Variants in TUSC3 observed in about 807,000 individuals in gnomAD.
The protein encoded by TUSC3 is tumor suppressor candidate 3, also known as dolichyl-diphosphooligosaccharide--protein glycosyltransferase subunit TUSC3.
Under a neutral mutation model 44.8 loss-of-function variants are expected in TUSC3, and 45 were observed. The ratio of observed to expected loss-of-function variants is 1.00; its 90% confidence interval spans 0.79 to 1.29. The LOEUF (loss-of-function observed/expected upper bound fraction) is 1.29, where lower values mean the gene tolerates loss of function less well. Among genes scored for constraint, TUSC3 ranks in the 50% most tolerant of loss-of-function variants. TUSC3 has a pLI of 0.00. For missense variants in TUSC3, 519 were observed against 437.9 expected (o/e 1.19, Z -1.65); for synonymous variants, 212 against 152.9 (o/e 1.39, Z -2.85).
upstream of TUSC3, among the ~76,000 whole-genome samples, chr8:15,538,452 A>G (rs1456911249): frequency 6.8e-6 from 1 of 146,780 alleles, no homozygotes; most frequent in Non-Finnish European, 1.5e-5. Flanking sequence ...ATATATTTGT[A>G]AACTCCTTTA....
At chr8:15,597,147 G>T (rs1394730934) in intron 1 of TUSC3, among the ~76,000 whole-genome samples, 1 of 152,050 alleles carries the variant, frequency 6.6e-6, no homozygotes, top group Non-Finnish European at 1.5e-5. Flanking sequence ...CTTGTCCAAG[G>T]TCAGAATCAT....
At chr8:15,618,796 G>T (rs1408857967) in intron 1 of TUSC3, among the ~76,000 whole-genome samples, 1 of 152,158 alleles carries the variant, frequency 6.6e-6, no homozygotes, top group East Asian at 1.9e-4. Flanking sequence ...CAGTAGCTTT[G>T]TTTACACCAG....
intron 1 of TUSC3, among the ~76,000 whole-genome samples, chr8:15,595,269 T>C (rs1004234401): frequency 6.6e-6 from 1 of 152,174 alleles, no homozygotes; most frequent in African/African-American, 2.4e-5. Context: ...AGCACTCAGC[T>C]GAATATTCAA....
chr8:15,823,739 A>C, the TUSC3 span, among the ~76,000 whole-genome samples: 1 of 152,304 alleles, frequency 6.6e-6, no homozygotes, highest in Admixed American at 6.5e-5. Flanking sequence ...CTAAAATATC[A>C]GTGTTGAAAT....
At chr8:15,670,059 A>G (rs1434127389) in intron 5 of TUSC3, among the ~76,000 whole-genome samples, 1 of 151,942 alleles carries the variant, frequency 6.6e-6, no homozygotes, top group Non-Finnish European at 1.5e-5. Context: ...AATCAATCTA[A>G]TAAAAGATAT....
At chr8:15,460,701 T>C (rs996067223) in intron 1 of TUSC3, among the ~76,000 whole-genome samples, 1 of 152,214 alleles carries the variant, frequency 6.6e-6, no homozygotes, top group African/African-American at 2.4e-5. Context: ...GAGTTGATTT[T>C]TGTGTAAGAT....
intron 6 of TUSC3, among the ~76,000 whole-genome samples, chr8:15,675,672 A>G (rs565902692): frequency 6.6e-6 from 1 of 152,180 alleles, no homozygotes; most frequent in Admixed American, 6.5e-5. Context: ...TTTAGCTCCT[A>G]CTTATAAGAA....
Position 15,456,520 on chromosome 8 carries a change from G to A in TUSC3, n.92-26866G>A, listed in dbSNP as rs982570941. Among the ~76,000 whole-genome samples the A allele has an allele frequency of 1.4e-4, 22 of 152,168 alleles. No homozygotes were observed. The East Asian group carries it at 4.3e-3, about 29-fold the overall frequency. Reference sequence around the variant, plus strand: ...ACGATCAGTGACTAGGAGCTGTTACGAAGTTAAACTAATTAATAAAGAGTG... The same window carrying A: ...ACGATCAGTGACTAGGAGCTGTTACAAAGTTAAACTAATTAATAAAGAGTG... On this transcript the variant is annotated intron_variant and non_coding_transcript_variant, in intron 1 of 5. Transcript: ENST00000503191.
intron 1 of TUSC3, among the ~76,000 whole-genome samples, chr8:15,569,412 A>G (rs1563294777): frequency 1.3e-5 from 2 of 152,168 alleles, no homozygotes; most frequent in South Asian, 2.1e-4. Flanking sequence ...GAGATAAAAA[A>G]TTACAGCATC....
intron 1 of TUSC3, among the ~76,000 whole-genome samples, chr8:15,549,815 C>G (rs1378361541): frequency 6.6e-6 from 1 of 151,562 alleles, no homozygotes; most frequent in Non-Finnish European, 1.5e-5. Flanking sequence ...ATGGCTGAAT[C>G]AAGGTTGAAT....
At chr8:15,803,394 T>A in the TUSC3 span, among the ~76,000 whole-genome samples, 1 of 152,308 alleles carries the variant, frequency 6.6e-6, no homozygotes, top group South Asian at 2.1e-4. Context: ...CAACATGCGC[T>A]ATAATTTCTG....
intron 2 of TUSC3, among the ~76,000 whole-genome samples, chr8:15,529,866 C>T (rs550311552): frequency 2.9e-5 from 3 of 104,922 alleles, no homozygotes; most frequent in East Asian, 3.0e-4. Flanking sequence ...GGCGCAATCT[C>T]GGCTCACTGC....
rs1038530955 is a variant in TUSC3, at chr8:15,431,596, A to G, written n.91+14291A>G. On this transcript the variant is annotated intron_variant and non_coding_transcript_variant, in intron 1 of 5. Transcript: ENST00000503191. ...TGGCAAACTCTTTAGAGGTTTCTAT[A>G]TATAGGATTATGTCTTGTACAAACA... Among the ~76,000 whole-genome samples, 25 of 149,018 alleles carry G rather than the reference A, an allele frequency of 1.7e-4. 2 individuals are homozygous for G. The highest frequency in any genetic ancestry group is 6.5e-4 in the African/African-American group (25 of 38,648).
intron 2 of TUSC3, among the ~76,000 whole-genome samples, chr8:15,515,033 T>G (rs1801198079): frequency 6.6e-6 from 1 of 152,110 alleles, no homozygotes; most frequent in Admixed American, 6.5e-5. Context: ...CATGTTTTTG[T>G]TTTTTTCTGG....
intron 5 of TUSC3, among the ~76,000 whole-genome samples, chr8:15,668,920 G>T (rs1807804292): frequency 6.6e-6 from 1 of 151,748 alleles, no homozygotes; most frequent in African/African-American, 2.4e-5. Flanking sequence ...CGAGTCTCGG[G>T]ATGTATGCTG....
chr8:15,551,518 T>C (rs1802060178), intron 1 of TUSC3, among the ~76,000 whole-genome samples: 1 of 151,770 alleles, frequency 6.6e-6, no homozygotes, highest in African/African-American at 2.4e-5. Flanking sequence ...TAAGTTCTTT[T>C]ATTTGACTGT....
intron 7 of TUSC3, among the ~76,000 whole-genome samples, chr8:15,734,043 C>T (rs1810832757): frequency 6.6e-6 from 1 of 151,966 alleles, no homozygotes. Context: ...ACCCCGTCTC[C>T]AAAAAAGAAG....
intron 1 of TUSC3, among the ~76,000 whole-genome samples, chr8:15,582,987 T>A (rs915406372): frequency 1.3e-5 from 2 of 152,240 alleles, no homozygotes; most frequent in Non-Finnish European, 2.9e-5. Context: ...TTTAGAGATC[T>A]GTCTGTACAT....
intron 3 of TUSC3, among the ~76,000 whole-genome samples, chr8:15,656,580 T>C (rs941816487): frequency 1.4e-4 from 21 of 152,148 alleles, no homozygotes; most frequent in African/African-American, 4.6e-4. Flanking sequence ...CCTCAAGGCC[T>C]TGGGCAGCCC....
Sources: gnomAD v4.1 joint callset for allele counts (sites outside exome capture counted in the v4.1 genomes callset) on GRCh38, gnomAD v4.1.1 for gene constraint, MANE v1.5 for transcripts, NCBI Gene and HGNC (gene_info 2026-07-23, HGNC 2026-07-21) for gene names.